The following P4HB variants were observed in gnomAD, a reference collection of about 807,000 sequenced individuals.
P4HB encodes the protein protein disulfide-isomerase.
In P4HB, 20 loss-of-function variants were observed where a neutral mutation model predicts 52.6. The ratio of observed to expected loss-of-function variants is 0.38; its 90% CI spans 0.27 to 0.55. The LOEUF is 0.55. Among genes scored for constraint, P4HB ranks in the 20% least tolerant of loss-of-function variants. P4HB has a pLI of 0.74. For missense variants in P4HB, 601 were observed against 669.2 expected, an observed-to-expected ratio of 0.90 and a Z score of 1.12; for synonymous variants, 296 against 277.9, an observed-to-expected ratio of 1.07 and a Z score of -0.65.
intron 4 of P4HB, among the ~76,000 whole-genome samples, chr17:81,850,371 G>A (rs930010911): frequency 1.3e-5 from 2 of 152,086 alleles, no homozygotes; most frequent in Non-Finnish European, 2.9e-5. Context: ...CCCGACCTCA[G>A]GTGATCGGCC....
At chr17:81,850,763 G>T (rs747163418) in intron 4 of P4HB, among the ~76,000 whole-genome samples, 1 of 152,052 alleles carries the variant, frequency 6.6e-6, no homozygotes. Context: ...GATTACAGGC[G>T]TGAGCCAGCG....
In P4HB at chr17:81,843,994, C is replaced by T. The variant is rs980530243; in HGVS notation, c.*18G>A. On this transcript the variant is annotated 3_prime_UTR_variant, in exon 11 of 11. Coordinates refer to ENST00000331483, the MANE Select transcript of P4HB (RefSeq NM_000918.4). The stretch of plus-strand genomic sequence containing the variant: ...GCCCCCGAGGGGTCTCGGCAGCGCC[C>T]GGGTCTGGCTTTGCGTATTACAGTT... The T allele has an allele frequency of 8.8e-6, 14 of 1,597,896 alleles. No homozygotes were observed. The highest frequency in any genetic ancestry group is 6.7e-5 in the Admixed American group (4 of 60,000).
In P4HB at chr17:81,844,880, G is replaced by C. The variant is rs187718366; in HGVS notation, c.1446+264C>G. Among the ~76,000 whole-genome samples the C allele has an allele frequency of 3.0e-3, 458 of 152,388 alleles. 6 individuals are homozygous for C. Among genetic ancestry groups the C allele is most frequent in the South Asian group, 0.014 (67 of 4,834 alleles). On this transcript the variant is annotated intron_variant, in intron 10 of 10. Coordinates refer to ENST00000331483, the MANE Select transcript of P4HB (RefSeq NM_000918.4). ...GGAACCGGTGCCATGTGTCTGAAAA[G>C]GTTTTCTAAGCAAAATCTGGTTTTT...
chr17:81,849,897 G>A (rs954525974), intron 4 of P4HB, among the ~76,000 whole-genome samples: 12 of 151,792 alleles, frequency 7.9e-5, no homozygotes, highest in African/African-American at 1.9e-4. Flanking sequence ...GCATGATCTC[G>A]GCTCACTGCA....
chr17:81,855,085 A>G lies in P4HB; in HGVS notation c.624+57T>C, dbSNP rs573100446. On this transcript the variant is annotated intron_variant, in intron 4 of 10. Transcript: ENST00000331483. The surrounding 1 kb of genome is among the most constrained non-coding windows in gnomAD (Gnocchi z 4.3). Reference sequence around the variant, plus strand: ...CCTTAACGATAAGGAGAGCAACGCCACCCTCTGCAGACCAACCCCAGAACT... The same window carrying G: ...CCTTAACGATAAGGAGAGCAACGCCGCCCTCTGCAGACCAACCCCAGAACT... 8.4e-5 allele frequency: 133 copies of G among 1,574,604 alleles called. No homozygotes were observed. The highest frequency in any genetic ancestry group is 1.1e-4 in the Non-Finnish European group (126 of 1,145,440).
At position 81,855,179 on chromosome 17, in the gene P4HB, T is replaced by C. The variant is rs200928258; in HGVS notation, c.587A>G (p.Tyr196Cys). The C allele has an allele frequency of 1.2e-5, 19 of 1,613,982 alleles. No homozygotes were observed. Among genetic ancestry groups the C allele is most frequent in the Non-Finnish European group, 1.4e-5 (17 of 1,180,004 alleles). The change falls in exon 4 of 11, where the codon TAC becomes TGC. Residue 196 changes from tyrosine (Y) to cysteine (C), a missense_variant. Transcript: ENST00000331483. The surrounding 1 kb of genome is among the most constrained non-coding windows in gnomAD (Gnocchi z 4.3). ...ITSNSDVFSK[Y>C]QLDKDGVVLF... is the part of the protein sequence containing the mutation. ...GACAACCCCATCTTTGTCGAGCTGG[T>C]ATTTGGAGAACACGTCACTGTTGGA...
At position 81,846,677 on chromosome 17, in the gene P4HB, T is replaced by G; in HGVS notation, c.856-48A>C. On this transcript the variant is annotated intron_variant, in intron 6 of 10. Transcript: ENST00000331483. This position sits in a 1 kb window ranked among gnomAD's most constrained non-coding sequence, Gnocchi z 5.7. The stretch of plus-strand genomic sequence containing the variant: ...ACAGGTGCGGGAGACGGCTGGCCTC[T>G]GCCTCCAGCCCTGACTTTGCTCGGA... 1 of 1,558,042 alleles carries G rather than the reference T, an allele frequency of 6.4e-7. No individual in the cohort carries two copies. Among genetic ancestry groups the G allele is most frequent in the Non-Finnish European group, 8.8e-7 (1 of 1,135,140 alleles).
rs1311194107 is a variant in P4HB, at chr17:81,859,273, T to C, written c.260A>G (p.Glu87Gly). 1 of 1,613,956 alleles carries C rather than the reference T, an allele frequency of 6.2e-7. No individual in the cohort carries two copies. The highest frequency in any genetic ancestry group is 1.7e-5 in the Admixed American group (1 of 60,000). The change falls in exon 2 of 11, where the codon GAG (glutamate) becomes GGG (glycine). Residue 87 changes from glutamate (E) to glycine (G), a missense_variant. Glu to Gly is a moderately conservative substitution (Grantham distance 98). Transcript: ENST00000331483. ...GCCGTACTGCTGGGCCAGGTCAGACTCCTCCGTGGCGTCCACCTTGGCCAA... is the reference window on the plus strand; with the variant it reads ...GCCGTACTGCTGGGCCAGGTCAGACCCCTCCGTGGCGTCCACCTTGGCCAA... ...IRLAKVDATE[E>G]SDLAQQYGVR...
At position 81,855,359 on chromosome 17, in the gene P4HB, A is replaced by G; in HGVS notation, c.487-80T>C. The G allele has an allele frequency of 6.2e-7, 1 of 1,601,698 alleles. No individual in the cohort carries two copies. Among genetic ancestry groups the G allele is most frequent in the Non-Finnish European group, 8.5e-7 (1 of 1,171,276 alleles). On this transcript the variant is annotated intron_variant, in intron 3 of 10. Coordinates refer to ENST00000331483, the MANE Select transcript of P4HB (RefSeq NM_000918.4). The surrounding 1 kb of genome is among the most constrained non-coding windows in gnomAD (Gnocchi z 4.3). ...GGGCAGACCCTGTAGAGCCCAGGCC[A>G]GGGGGGACACGTGCAGAACTGCCAG...
chr17:81,855,276 C>A lies in P4HB; in HGVS notation c.490G>T (p.Val164Leu). The change falls in exon 4 of 11, where the codon GTG becomes TTG. Residue 164 changes from valine (V) to leucine (L), a missense_variant. Transcript: ENST00000331483. This position sits in a 1 kb window ranked among gnomAD's most constrained non-coding sequence, Gnocchi z 4.3. ...EVAVIGFFKD[V>L]ESDSAKQFLQ... ...AACTGCTTGGCAGAGTCCGACTCCACGTCCTGAATGAGGAGGGAGAAGCAG... is the reference window on the plus strand; with the variant it reads ...AACTGCTTGGCAGAGTCCGACTCCAAGTCCTGAATGAGGAGGGAGAAGCAG... 1 of 1,613,860 alleles carries A rather than the reference C, an allele frequency of 6.2e-7. No homozygotes were observed. Among genetic ancestry groups the A allele is most frequent in the South Asian group, 1.1e-5 (1 of 91,078 alleles).
In P4HB at chr17:81,855,356, G is replaced by T. The variant is rs928030345; in HGVS notation, c.487-77C>A. 1 of 1,601,436 alleles carries T rather than the reference G, an allele frequency of 6.2e-7. No homozygotes were observed. The highest frequency in any genetic ancestry group is 8.5e-7 in the Non-Finnish European group (1 of 1,170,846). Reference sequence around the variant, plus strand: ...GTAGGGCAGACCCTGTAGAGCCCAGGCCAGGGGGGACACGTGCAGAACTGC... The same window carrying T: ...GTAGGGCAGACCCTGTAGAGCCCAGTCCAGGGGGGACACGTGCAGAACTGC... On this transcript the variant is annotated intron_variant, in intron 3 of 10. Coordinates refer to ENST00000331483, the MANE Select transcript of P4HB (RefSeq NM_000918.4). This position sits in a 1 kb window ranked among gnomAD's most constrained non-coding sequence, Gnocchi z 4.3.
At position 81,846,364 on chromosome 17, in the gene P4HB, G is replaced by A; in HGVS notation, c.1056+65C>T. 6.9e-7 allele frequency: 1 copy of A among 1,440,418 alleles called. No homozygotes were observed. The highest frequency in any genetic ancestry group is 9.7e-7 in the Non-Finnish European group (1 of 1,026,890). 89.2% of individuals were successfully genotyped at this position (1,440,418 alleles called of 1,614,324 possible). A position where few individuals can be genotyped will look rare whatever the true frequency, so the allele number is the denominator to read the frequency against. ...GAGGACGAAGCCCAGGACACTGAGA[G>A]CCCAGAGACCCCAAGGTGGCGGCTC... is the stretch of plus-strand genomic sequence containing the variant. On this transcript the variant is annotated intron_variant, in intron 7 of 10. Transcript: ENST00000331483. This position sits in a 1 kb window ranked among gnomAD's most constrained non-coding sequence, Gnocchi z 5.7.
chr17:81,860,258 C>G, intron 1 of P4HB, 69 bp downstream of exon 1: 1 of 1,257,576 alleles, frequency 8.0e-7, no homozygotes, highest in South Asian at 2.2e-5. Context: ...GCTGCCGGGC[C>G]GTGCCTGCGT....
chr17:81,843,488 C>T lies in P4HB; in HGVS notation c.*524G>A. The T allele has an allele frequency of 2.5e-6, 1 of 400,154 alleles. No homozygotes were observed. 24.8% of individuals were successfully genotyped at this position (400,154 alleles called of 1,614,324 possible). ...ACAGGATCCGGAAGTCTCCATTTAC[C>T]CAAAAATGCAAGAGCCATGATCAGT... On this transcript the variant is annotated 3_prime_UTR_variant, in exon 11 of 11. Transcript: ENST00000331483.
At position 81,859,795 on chromosome 17, in the gene P4HB, A is replaced by G. The variant is rs1598273249; in HGVS notation, c.146-408T>C. 3 of 268,822 alleles carry G rather than the reference A, an allele frequency of 1.1e-5. No homozygotes were observed. In the South Asian group the frequency reaches 1.3e-4, roughly 12 times the overall value. 16.7% of individuals were successfully genotyped at this position (268,822 alleles called of 1,614,324 possible). ...CACTAGCTGTGAGTATGAGATGCAC[A>G]TCCGTGCACACAGACCCTGAGTTGC... On this transcript the variant is annotated intron_variant, in intron 1 of 10. Transcript: ENST00000331483.
Position 81,855,081 on chromosome 17 carries a change from C to T in P4HB, c.624+61G>A, listed in dbSNP as rs193181707. The T allele has an allele frequency of 9.0e-6, 14 of 1,555,310 alleles. No individual in the cohort carries two copies. Among genetic ancestry groups the T allele is most frequent in the East Asian group, 6.7e-5 (3 of 44,504 alleles). On this transcript the variant is annotated intron_variant, in intron 4 of 10. Transcript: ENST00000331483. This position sits in a 1 kb window ranked among gnomAD's most constrained non-coding sequence, Gnocchi z 4.3. ...GTTCCCTTAACGATAAGGAGAGCAACGCCACCCTCTGCAGACCAACCCCAG... is the reference window on the plus strand; with the variant it reads ...GTTCCCTTAACGATAAGGAGAGCAATGCCACCCTCTGCAGACCAACCCCAG...
chr17:81,846,009 C>T lies in P4HB; in HGVS notation c.1057-18G>A. On this transcript the variant is annotated intron_variant, in intron 7 of 10. Transcript: ENST00000331483. The surrounding 1 kb of genome is among the most constrained non-coding windows in gnomAD (Gnocchi z 5.7). ...AGGTGGGGCTGGAGGGCAGGCAGGG[C>T]ACGGTGAGGGGCGGCGATGCCTGGG... 1 of 1,598,152 alleles carries T rather than the reference C, an allele frequency of 6.3e-7. No individual in the cohort carries two copies. Among genetic ancestry groups the T allele is most frequent in the Non-Finnish European group, 8.5e-7 (1 of 1,170,920 alleles).
chr17:81,859,056 GA>G, intron 2 of P4HB, 124 bp downstream of exon 2: 1 of 802,084 alleles, frequency 1.2e-6, no homozygotes, highest in Non-Finnish European at 2.1e-6. Context: ...CCGGCCTGAG[GA>G]ACGGGATCCC....
In P4HB at chr17:81,851,697, C is replaced by T. The variant is rs537134967; in HGVS notation, c.624+3445G>A. On this transcript the variant is annotated intron_variant, in intron 4 of 10. Transcript: ENST00000331483. The stretch of plus-strand genomic sequence containing the variant: ...TGACTCCCTCCAGAGTGTCAGGCGC[C>T]GCCTACACCATCTCATGCCAAGAAG... Among the ~76,000 whole-genome samples, 6 of 152,328 alleles carry T rather than the reference C, an allele frequency of 3.9e-5. No homozygotes were observed. In the East Asian group the frequency reaches 5.8e-4, roughly 15 times the overall value.
Sources: gnomAD v4.1 joint callset for allele counts (sites outside exome capture counted in the v4.1 genomes callset) on GRCh38, gnomAD v4.1.1 for gene constraint, Gnocchi (gnomAD v3.1) non-coding constraint, MANE v1.5 for transcripts, NCBI Gene and HGNC (gene_info 2026-07-23, HGNC 2026-07-21) for gene names.